ZNF268: variants seen among roughly 807,000 people sequenced by gnomAD.
ZNF268 encodes zinc finger protein 268.
In ZNF268, 20 loss-of-function variants were observed where a neutral mutation model predicts 29.3. The ratio of observed to expected loss-of-function variants is 0.68; its 90% CI spans 0.48 to 0.99. ZNF268 has a LOEUF of 0.99. Ranked by LOEUF, ZNF268 falls within the 50% of genes least tolerant of loss-of-function variation. The pLI is 0.00. For missense variants in ZNF268, 1,240 were observed against 1,121.6 expected (o/e 1.11, Z -1.51); for synonymous variants, 429 against 376.9 (o/e 1.14, Z -1.60).
rs1486533607 is a variant in ZNF268, at chr12:133,212,524, CATATATACACAT to C, written c.*8010_*8021del. 449 of 135,300 alleles carry C rather than the reference CATATATACACAT, an allele frequency of 3.3e-3. 3 individuals carry two copies. Among genetic ancestry groups the C allele is most frequent in the African/African-American group, 0.011 (417 of 37,016 alleles). 8.4% of individuals were successfully genotyped at this position (135,300 alleles called of 1,614,324 possible). On this transcript the variant is annotated 3_prime_UTR_variant, in exon 6 of 6. Transcript: ENST00000536435. ...GTATATATACACACACACATACACACATATATACACATATATATACACATATACACATATATA... is the reference window on the plus strand; with the variant it reads ...GTATATATACACACACACATACACACATATATACACATATACACATATATA...
chr12:133,188,530 G>A (rs959606351), intron 3 of ZNF268, among the ~76,000 whole-genome samples: 3 of 152,038 alleles, frequency 2.0e-5, no homozygotes, highest in Non-Finnish European at 4.4e-5. Context: ...TTCATGTAAG[G>A]TCCTTATCTA....
intron 3 of ZNF268, among the ~76,000 whole-genome samples, chr12:133,189,164 T>C (rs1024668922): frequency 3.3e-5 from 5 of 152,024 alleles, no homozygotes; most frequent in Admixed American, 2.0e-4. Flanking sequence ...TATATGTAAG[T>C]TCTTTCTGTT....
intron 3 of ZNF268, 131 bp downstream of exon 3, chr12:133,188,203 A>G: frequency 4.8e-6 from 4 of 841,960 alleles, no homozygotes; most frequent in Admixed American, 3.0e-5. Context: ...AAACCCCCCC[A>G]CTTTTTTTTT....
rs1956819907 is a variant in ZNF268, at chr12:133,203,781, AGTGAGTGTG to A, written c.2097_2105del (p.Ser699_Gly702delinsArg). 4.5e-6 allele frequency: 7 copies of A among 1,564,708 alleles called. No homozygotes were observed. Among genetic ancestry groups the A allele is most frequent in the Non-Finnish European group, 6.0e-6 (7 of 1,161,642 alleles). On this transcript the variant is annotated inframe_deletion, in exon 6 of 6. Transcript: ENST00000536435. ...CACAGGAGTAAAACCATATGGATGC[AGTGAGTGTG>A]GGAAAGCCTTCAGGAGCAAGTCATA...
At position 133,211,441 on chromosome 12, in the gene ZNF268, C is replaced by T. The variant is rs573299776; in HGVS notation, c.*6911C>T. On this transcript the variant is annotated 3_prime_UTR_variant, in exon 6 of 6. Transcript: ENST00000536435. ...TACTAAAAATACAAAATTAGCCAGG[C>T]GTGGTGGCGCTACTCTGCCACCAAG... 9.8e-5 allele frequency: 19 copies of T among 193,738 alleles called. No homozygotes were observed. The highest frequency in any genetic ancestry group is 4.4e-4 in the Admixed American group (8 of 18,242). 12.0% of individuals were successfully genotyped at this position (193,738 alleles called of 1,614,324 possible). A position where few individuals can be genotyped will look rare whatever the true frequency, so the allele number is the denominator to read the frequency against.
chr12:133,210,703 G>C lies in ZNF268; in HGVS notation c.*6173G>C. The C allele has an allele frequency of 2.6e-6, 1 of 380,778 alleles. No homozygotes were observed. Among genetic ancestry groups the C allele is most frequent in the Admixed American group, 3.1e-5 (1 of 32,520 alleles). The allele number at this position is 380,778 out of a possible 1,614,324, so 23.6% of individuals were successfully genotyped here. A position where few individuals can be genotyped will look rare whatever the true frequency, so the allele number is the denominator to read the frequency against. ...TGTTTGTCACTGTGGATTCCCCCCT[G>C]CCAAGGGTCCCCAGGTCAGTCCTGA... is the stretch of plus-strand genomic sequence containing the variant. On this transcript the variant is annotated 3_prime_UTR_variant, in exon 6 of 6. Transcript: ENST00000536435.
At chr12:133,191,400 TTAAACA>T (rs761370466) in intron 3 of ZNF268, 83 bp from the exon 4 acceptor site, 83 of 1,500,356 alleles carry the variant, frequency 5.5e-5, no homozygotes, top group Non-Finnish European at 7.5e-5. Flanking sequence ...TCTCACAAAG[TTAAACA>T]TAAATAATGG....
At chr12:133,197,855 CATAT>C (rs1956649927) in intron 5 of ZNF268, among the ~76,000 whole-genome samples, 1 of 152,090 alleles carries the variant, frequency 6.6e-6, no homozygotes, top group Non-Finnish European at 1.5e-5. Context: ...AGTGTCTGTT[CATAT>C]CCTTTGCCCA....
At chr12:133,196,855 T>C (rs936051375) in intron 5 of ZNF268, among the ~76,000 whole-genome samples, 1 of 152,132 alleles carries the variant, frequency 6.6e-6, no homozygotes, top group Admixed American at 6.5e-5. Flanking sequence ...TTGATGGTTG[T>C]ATACAAAATG....
intron 2 of ZNF268, among the ~76,000 whole-genome samples, chr12:133,185,867 T>C (rs1956300994): frequency 6.6e-6 from 1 of 152,172 alleles, no homozygotes; most frequent in Non-Finnish European, 1.5e-5. Context: ...TCCTCTTTTC[T>C]AAGAACCAGC....
rs1223672116 is a variant in ZNF268 at position 133,205,144 on chromosome 12, T to TAAAAAAAAAAAAAAAAAAAAAAAAA, written c.*619_*643dup. 7.1e-4 allele frequency: 30 copies of TAAAAAAAAAAAAAAAAAAAAAAAAA among 42,298 alleles called. 2 individuals carry two copies. Among genetic ancestry groups the TAAAAAAAAAAAAAAAAAAAAAAAAA allele is most frequent in the Non-Finnish European group, 1.1e-3 (25 of 22,208 alleles). 2.6% of individuals were successfully genotyped at this position (42,298 alleles called of 1,614,324 possible). A position where few individuals can be genotyped will look rare whatever the true frequency, so the allele number is the denominator to read the frequency against. Reference sequence around the variant, plus strand: ...TAACCTCACCTTAGAAGCTTCATTCTAAAAAAAAAAAAAAAAAAAAAAAAA... The same window carrying TAAAAAAAAAAAAAAAAAAAAAAAAA: ...TAACCTCACCTTAGAAGCTTCATTCTAAAAAAAAAAAAAAAAAAAAAAAAAAAAAAAAAAAAAAAAAAAAAAAAAA... On this transcript the variant is annotated 3_prime_UTR_variant, in exon 6 of 6. Coordinates refer to ENST00000536435, the MANE Select transcript of ZNF268 (RefSeq NM_003415.3).
At position 133,202,872 on chromosome 12, in the gene ZNF268, G is replaced by A. The variant is rs778184201; in HGVS notation, c.1186G>A (p.Ala396Thr). ...ATATGTGTGTAATGAATGTGGGAAAGCTTTTGGTTTAAAATCACAGCTCAT... is the reference window on the plus strand; with the variant it reads ...ATATGTGTGTAATGAATGTGGGAAAACTTTTGGTTTAAAATCACAGCTCAT... ...KPYVCNECGK[A>T]FGLKSQLIIH... is the part of the protein sequence containing the mutation. Residue 396 changes from alanine (A) to threonine (T), a missense_variant, in exon 6 of 6, where the codon GCT becomes ACT. This residue lies in a region of ZNF268 where 1,177 missense variants were observed against 1,039.6 expected (regional missense o/e 1.13). Coordinates refer to ENST00000536435, the MANE Select transcript of ZNF268 (RefSeq NM_003415.3). 8.9e-6 allele frequency: 14 copies of A among 1,564,960 alleles called. No homozygotes were observed. In the East Asian group the frequency reaches 2.8e-4, roughly 31 times the overall value.
rs531985816 is a variant in ZNF268, at chr12:133,185,395, G to A, written c.34-2477G>A. Among the ~76,000 whole-genome samples, 3 of 131,242 alleles carry A rather than the reference G, an allele frequency of 2.3e-5. No individual in the cohort carries two copies. In the South Asian group the frequency reaches 7.1e-4, roughly 31 times the overall value. The allele number at this position is 131,242 out of a possible 152,430, so 86.1% of individuals were successfully genotyped here. ...GTTTGATGCCTTGGTAACCTGGAAG[G>A]AAGGACTTTGTGACTGGGGTAGGGA... On this transcript the variant is annotated intron_variant, in intron 2 of 5. Coordinates refer to ENST00000536435, the MANE Select transcript of ZNF268 (RefSeq NM_003415.3).
rs1956903492 is a variant in ZNF268, at chr12:133,206,651, C to CT, written c.*2122dup. On this transcript the variant is annotated 3_prime_UTR_variant, in exon 6 of 6. Transcript: ENST00000536435. The stretch of plus-strand genomic sequence containing the variant: ...TCTGAAACACCTTCTGCTTTGTACT[C>CT]TATTAGATACCCAAAGAAATTTTCA... The CT allele has an allele frequency of 1.3e-5, 2 of 152,144 alleles. No individual in the cohort carries two copies. Among genetic ancestry groups the CT allele is most frequent in the South Asian group, 4.1e-4 (2 of 4,832 alleles). The allele number at this position is 152,144 out of a possible 1,614,324, so 9.4% of individuals were successfully genotyped here.
intron 2 of ZNF268, among the ~76,000 whole-genome samples, chr12:133,186,754 A>T (rs796651610): frequency 1.2e-4 from 19 of 152,322 alleles, no homozygotes; most frequent in African/African-American, 4.3e-4. Context: ...CAAAAAGAAC[A>T]AACTATTGAT....
intron 5 of ZNF268, among the ~76,000 whole-genome samples, chr12:133,194,999 T>C (rs1031159088): frequency 1.5e-5 from 1 of 66,994 alleles, no homozygotes; most frequent in South Asian, 3.9e-4. Context: ...TAATTAAAGA[T>C]AAATTAAACA....
In ZNF268 at chr12:133,205,523, CAAT is replaced by C. The variant is rs1956883195; in HGVS notation, c.*995_*997del. ...GATACTGACAATATCTCTGATATGA[CAAT>C]ATCATCTTCCAGAGATTTCTACTCT... On this transcript the variant is annotated 3_prime_UTR_variant, in exon 6 of 6. Transcript: ENST00000536435. 1 of 152,126 alleles carries C rather than the reference CAAT, an allele frequency of 6.6e-6. No homozygotes were observed. 9.4% of individuals were successfully genotyped at this position (152,126 alleles called of 1,614,324 possible).
Position 133,191,991 on chromosome 12 carries a change from C to G in ZNF268, c.445C>G (p.Gln149Glu), listed in dbSNP as rs773885682. Reference protein sequence around the residue: ...LCMVQAQVPNQTCPNTVWKID... With the variant: ...LCMVQAQVPNETCPNTVWKID... ...TATGGTGCAGGCCCAAGTTCCAAAT[C>G]AGACCTGTCCAAGTGAGTGATGGAG... The change falls in exon 5 of 6, where the codon CAG becomes GAG. Residue 149 changes from glutamine to glutamate, a missense_variant. Gln to Glu is a conservative substitution (Grantham distance 29). Around this residue, in one of 3 missense-constraint regions of ZNF268, gnomAD observed 1,177 missense variants for 1,039.6 expected, o/e 1.13. Coordinates refer to ENST00000536435, the MANE Select transcript of ZNF268 (RefSeq NM_003415.3). 6.2e-7 allele frequency: 1 copy of G among 1,612,538 alleles called. No homozygotes were observed.
intron 2 of ZNF268, chr12:133,184,772 A>G (rs1193629873): frequency 1.6e-5 from 7 of 435,116 alleles, no homozygotes; most frequent in Admixed American, 9.8e-5. Context: ...GCGCACCACC[A>G]TGCCCAGCTA....
Sources: allele counts gnomAD v4.1 joint callset (sites outside exome capture counted in the v4.1 genomes callset), GRCh38; gene constraint gnomAD v4.1.1; regional missense constraint gnomAD v4.1.1; transcripts MANE v1.5; gene names NCBI Gene and HGNC (gene_info 2026-07-23, HGNC 2026-07-21).